Variants in MLKL observed in about 807,000 individuals in gnomAD.
The protein encoded by MLKL is mixed lineage kinase domain-like protein.
In MLKL, 55 loss-of-function variants were observed where a neutral mutation model predicts 56.5. The ratio of observed to expected loss-of-function variants is 0.97; its 90% CI spans 0.78 to 1.22. The LOEUF is 1.22. MLKL is among the 50% of genes most tolerant of loss of function. The pLI is 0.00. For synonymous variants in MLKL, 251 were observed against 208.3 expected, an observed-to-expected ratio of 1.20 and a Z score of -1.76; for missense variants, 694 against 573.9, an observed-to-expected ratio of 1.21 and a Z score of -2.14.
chr16:74,680,679 G>A (rs1373494389), intron 6 of MLKL, among the ~76,000 whole-genome samples: 4 of 152,052 alleles, frequency 2.6e-5, no homozygotes, highest in African/African-American at 9.7e-5. Flanking sequence ...GCTAATTTTT[G>A]TATTTTTAGG....
At position 74,682,663 on chromosome 16, in the gene MLKL, C is replaced by T. The variant is rs531258289; in HGVS notation, c.944G>A (p.Arg315Gln). ...KRMVLVLGAA[R>Q]GLYRLHHSEA... ...CACCCCGTCTTACCGGTATAGGCCT[C>T]GGGCTGCCCCCAGGACTAGGACCAT... The change falls in exon 6 of 11, where the codon CGA becomes CAA. Residue 315 changes from arginine to glutamine, a missense_variant. Coordinates refer to ENST00000308807, the MANE Select transcript of MLKL (RefSeq NM_152649.4). 44 of 1,614,106 alleles carry T rather than the reference C, an allele frequency of 2.7e-5. No homozygotes were observed. Among genetic ancestry groups the T allele is most frequent in the African/African-American group, 6.7e-5 (5 of 75,050 alleles).
chr16:74,672,516 G>C lies in MLKL; in HGVS notation c.1404C>G (p.Thr468=). The C allele has an allele frequency of 3.7e-6, 6 of 1,613,924 alleles. No homozygotes were observed. Among genetic ancestry groups the C allele is most frequent in the East Asian group, 4.5e-5 (2 of 44,882 alleles). Reference sequence around the variant, plus strand: ...AGATTTTGATACACTACTTAGAAAAGGTGGAGAGTTTCTTTAAGATTTCTG... The same window carrying C: ...AGATTTTGATACACTACTTAGAAAACGTGGAGAGTTTCTTTAAGATTTCTG... The part of the protein sequence containing the change: ...SVDEILKKLS[T]FSK The change falls in exon 11 of 11, where the codon ACC becomes ACG. Residue 468 remains threonine (T), a synonymous_variant. Coordinates refer to ENST00000308807, the MANE Select transcript of MLKL (RefSeq NM_152649.4).
At chr16:74,694,400 G>T (rs1597511570) in intron 2 of MLKL, among the ~76,000 whole-genome samples, 1 of 152,174 alleles carries the variant, frequency 6.6e-6, no homozygotes, top group Non-Finnish European at 1.5e-5. Flanking sequence ...TTCTCACGCC[G>T]GCCCCCTCCA....
At chr16:74,685,440 G>A in intron 5 of MLKL, 46 bp downstream of exon 5, 1 of 1,428,692 alleles carries the variant, frequency 7.0e-7, no homozygotes, top group Non-Finnish European at 9.9e-7. Context: ...CAGGAGGTGT[G>A]TTCTAGGCCA....
rs1196681452 is a variant in MLKL, at chr16:74,695,507, T to C, written c.251A>G (p.Asn84Ser). The C allele has an allele frequency of 2.5e-6, 4 of 1,614,094 alleles. No individual in the cohort carries two copies. The highest frequency in any genetic ancestry group is 1.3e-5 in the African/African-American group (1 of 74,928). Reference sequence around the variant, plus strand: ...GCTTGCTGTTAGAAACCTGCAGATATTGGATCTATTGCTGAACTTTTCTAT... The same window carrying C: ...GCTTGCTGTTAGAAACCTGCAGATACTGGATCTATTGCTGAACTTTTCTAT... Reference protein sequence around the residue: ...GEIEKFSNRSNICRFLTASQD... With the variant: ...GEIEKFSNRSSICRFLTASQD... The change falls in exon 2 of 11, where the codon AAT (asparagine) becomes AGT (serine). Residue 84 changes from asparagine (N) to serine (S), a missense_variant. Coordinates refer to ENST00000308807, the MANE Select transcript of MLKL (RefSeq NM_152649.4).
chr16:74,672,471 G>A lies in MLKL; in HGVS notation c.*33C>T. ...CAGTTTGTGCCTCTCCCAGCTTCTTGTCCAGAGACTCCTTGGTTTAGATTT... is the reference window on the plus strand; with the variant it reads ...CAGTTTGTGCCTCTCCCAGCTTCTTATCCAGAGACTCCTTGGTTTAGATTT... On this transcript the variant is annotated 3_prime_UTR_variant, in exon 11 of 11. Coordinates refer to ENST00000308807, the MANE Select transcript of MLKL (RefSeq NM_152649.4). The A allele has an allele frequency of 1.2e-6, 2 of 1,603,606 alleles. No homozygotes were observed. Among genetic ancestry groups the A allele is most frequent in the Middle Eastern group, 3.3e-4 (2 of 6,032 alleles).
chr16:74,695,237 T>A lies in MLKL; in HGVS notation c.460+61A>T, dbSNP rs1409252828. 5 of 1,520,914 alleles carry A rather than the reference T, an allele frequency of 3.3e-6. No homozygotes were observed. In the African/African-American group the frequency reaches 6.8e-5, roughly 21 times the overall value. The allele number at this position is 1,520,914 out of a possible 1,614,324, so 94.2% of individuals were successfully genotyped here. On this transcript the variant is annotated intron_variant, in intron 2 of 10. Transcript: ENST00000308807. ...TCATCATTGCTGCTCCTTTGGTAAA[T>A]TAAAGTGAGACTAAAATGCATTCAA... is the stretch of plus-strand genomic sequence containing the variant.
At chr16:74,680,134 G>T (rs532064407) in intron 6 of MLKL, among the ~76,000 whole-genome samples, 1 of 152,172 alleles carries the variant, frequency 6.6e-6, no homozygotes, top group Admixed American at 6.5e-5. Flanking sequence ...GGGTGAAAGG[G>T]CTCCAGTGCC....
chr16:74,696,236 A>G (rs1218141454), intron 1 of MLKL, among the ~76,000 whole-genome samples: 1 of 152,184 alleles, frequency 6.6e-6, no homozygotes, highest in East Asian at 1.9e-4. Flanking sequence ...TTAAGTGATC[A>G]AGGAATAAAC....
At position 74,675,424 on chromosome 16, in the gene MLKL, C is replaced by A. The variant is rs200147034; in HGVS notation, c.1191-20G>T. 6.2e-7 allele frequency: 1 copy of A among 1,612,518 alleles called. No individual in the cohort carries two copies. Among genetic ancestry groups the A allele is most frequent in the East Asian group, 2.2e-5 (1 of 44,886 alleles). On this transcript the variant is annotated intron_variant, in intron 8 of 10. Coordinates refer to ENST00000308807, the MANE Select transcript of MLKL (RefSeq NM_152649.4). ...CCAAAGCTAAAAGAAAACCAAGAAA[C>A]TGAACAACCATAACTAGTCTCCCCT...
rs747627247 is a variant in MLKL, at chr16:74,695,338, A to C, written c.420T>G (p.Asp140Glu). 20 of 1,614,056 alleles carry C rather than the reference A, an allele frequency of 1.2e-5. No individual in the cohort carries two copies. In the East Asian group the frequency reaches 4.2e-4, roughly 34 times the overall value. The stretch of plus-strand genomic sequence containing the variant: ...GGAAAGCTCGCCTGTCTTCGTCTGC[A>C]TCCTGCTGATCTTCCTGTGCCCAGG... The part of the protein sequence containing the change: ...GASWAQEDQQ[D>E]ADEDRRAFQM... The change falls in exon 2 of 11, where the codon GAT (aspartate) becomes GAG (glutamate). Residue 140 changes from aspartate (D) to glutamate (E), a missense_variant. Physicochemically the swap from Asp to Glu is conservative, Grantham distance 45. Transcript: ENST00000308807.
chr16:74,688,745 G>A (rs1314811647), intron 4 of MLKL, among the ~76,000 whole-genome samples: 1 of 151,982 alleles, frequency 6.6e-6, no homozygotes, highest in African/African-American at 2.4e-5. Context: ...CCCAAAACCT[G>A]TACATGAATG....
At chr16:74,686,405 A>G (rs1412875019) in intron 4 of MLKL, among the ~76,000 whole-genome samples, 2 of 151,912 alleles carry the variant, frequency 1.3e-5, no homozygotes, top group Non-Finnish European at 2.9e-5. Context: ...ACATGGTGAA[A>G]CCCCGTCTCT....
At chr16:74,678,786 T>A in intron 7 of MLKL, 113 bp downstream of exon 7, 1 of 781,268 alleles carries the variant, frequency 1.3e-6, no homozygotes, top group South Asian at 1.7e-5. Flanking sequence ...TGTCTCTAAA[T>A]AAATAAATAA....
intron 2 of MLKL, among the ~76,000 whole-genome samples, chr16:74,692,794 C>T (rs1312289726): frequency 1.3e-5 from 2 of 152,184 alleles, no homozygotes; most frequent in Admixed American, 1.3e-4. Context: ...TGGAGAGTCC[C>T]CTGGACTTTG....
chr16:74,695,147 C>T (rs749311527), intron 2 of MLKL, 151 bp downstream of exon 2: 3 of 795,910 alleles, frequency 3.8e-6, no homozygotes, highest in Non-Finnish European at 5.9e-6. Context: ...GCTGGGATTA[C>T]AGGCGAGAGC....
At chr16:74,674,840 T>A in intron 10 of MLKL, 120 bp downstream of exon 10, 2 of 1,215,508 alleles carry the variant, frequency 1.6e-6, no homozygotes, top group Non-Finnish European at 2.3e-6. Context: ...TCACTAAATG[T>A]TCCCCGGATA....
At chr16:74,682,542 G>C (rs1960039404) in intron 6 of MLKL, 109 bp downstream of exon 6, 1 of 1,439,740 alleles carries the variant, frequency 6.9e-7, no homozygotes. Flanking sequence ...CAGTGTATGG[G>C]AGGGAGACTG....
intron 5 of MLKL, among the ~76,000 whole-genome samples, chr16:74,685,141 G>A (rs754732362): frequency 6.6e-6 from 1 of 152,114 alleles, no homozygotes; most frequent in Non-Finnish European, 1.5e-5. Flanking sequence ...TGGGATTACA[G>A]GTGTGAGCCA....
Sources: allele counts gnomAD v4.1 joint callset (sites outside exome capture counted in the v4.1 genomes callset), GRCh38; gene constraint gnomAD v4.1.1; transcripts MANE v1.5; gene names NCBI Gene and HGNC (gene_info 2026-07-23, HGNC 2026-07-21).